SUSD4: variants seen among roughly 807,000 people sequenced by gnomAD.
SUSD4 encodes the protein sushi domain containing 4, also known as sushi domain-containing protein 4.
A neutral mutation model predicts 50.5 loss-of-function variants in SUSD4; 41 were observed. The observed-to-expected ratio is 0.81, with a 90% CI of 0.63 to 1.05. The LOEUF is 1.05. Among genes scored for constraint, SUSD4 ranks in the 50% least tolerant of loss-of-function variants. The pLI, the probability that SUSD4 is intolerant of heterozygous loss-of-function variation, is 0.00. For synonymous variants in SUSD4, 257 were observed against 257.3 expected (o/e 1.00, Z 0.01); for missense variants, 580 against 634.7 (o/e 0.91, Z 0.93).
intron 5 of SUSD4, among the ~76,000 whole-genome samples, chr1:223,246,813 C>T (rs1434081076): frequency 3.9e-5 from 6 of 152,110 alleles, no homozygotes; most frequent in African/African-American, 7.2e-5. Flanking sequence ...TATCACAGTC[C>T]TTAACCAATT....
At chr1:223,243,803 C>T (rs1660742341) in intron 5 of SUSD4, among the ~76,000 whole-genome samples, 1 of 152,212 alleles carries the variant, frequency 6.6e-6, no homozygotes, top group Admixed American at 6.5e-5. Context: ...ATTCCTCCAT[C>T]GTCTCTTCCT....
intron 2 of SUSD4, among the ~76,000 whole-genome samples, chr1:223,308,114 A>C (rs1558236109): frequency 6.6e-6 from 1 of 152,112 alleles, no homozygotes; most frequent in Non-Finnish European, 1.5e-5. Flanking sequence ...TTTTTATAAG[A>C]ATATTCTGAA....
intron 8 of SUSD4, 78 bp downstream of exon 8, chr1:223,223,162 TGGAGCGTGC>T: frequency 6.8e-7 from 1 of 1,474,876 alleles, no homozygotes; most frequent in Non-Finnish European, 9.0e-7. Flanking sequence ...TGCTGGGGGG[TGGAGCGTGC>T]GTAGCAAGGA....
At chr1:223,263,738 T>G (rs1252898624) in intron 5 of SUSD4, 1 of 985,322 alleles carries the variant, frequency 1.0e-6, no homozygotes, top group Admixed American at 6.1e-5. Context: ...CTACCCTGAC[T>G]TCCTCCCACA....
rs1385327845 is a variant in SUSD4, at chr1:223,223,505, G to A, written c.1188C>T (p.Ala396=). 2 of 1,613,350 alleles carry A rather than the reference G, an allele frequency of 1.2e-6. No homozygotes were observed. Among genetic ancestry groups the A allele is most frequent in the Non-Finnish European group, 8.5e-7 (1 of 1,179,800 alleles). Residue 396 remains alanine, a synonymous_variant, in exon 8 of 9, where the codon GCC becomes GCT. Transcript: ENST00000366878. ...GTAAGGGGCAGCCCTGGCCCACAGA[G>A]GCCATGTACCCGGGGCCTAAGGCAC... ...GLSALGPGYM[A]SVGQGCPLPV...
intron 5 of SUSD4, among the ~76,000 whole-genome samples, chr1:223,250,224 T>C (rs1661208768): frequency 6.6e-6 from 1 of 152,164 alleles, no homozygotes; most frequent in Admixed American, 6.5e-5. Flanking sequence ...TTATAAGAAT[T>C]AGAAATAATA....
At chr1:223,350,011 C>T (rs1341510623) in intron 2 of SUSD4, among the ~76,000 whole-genome samples, 2 of 152,166 alleles carry the variant, frequency 1.3e-5, no homozygotes, top group Non-Finnish European at 2.9e-5. Flanking sequence ...CCCGTCCCCA[C>T]CCCTGCACCC....
At chr1:223,281,638 C>T (rs1663737959) in intron 3 of SUSD4, among the ~76,000 whole-genome samples, 1 of 152,182 alleles carries the variant, frequency 6.6e-6, no homozygotes, top group Admixed American at 6.5e-5. Context: ...GATGGATTCA[C>T]AGCCGAATTC....
intron 5 of SUSD4, among the ~76,000 whole-genome samples, chr1:223,253,111 AG>A (rs1183157072): frequency 3.3e-5 from 5 of 152,080 alleles, no homozygotes; most frequent in African/African-American, 1.2e-4. Flanking sequence ...AAAAAGAAAA[AG>A]AAAAAGAAAA....
At chr1:223,228,952 C>T (rs1235311049) in intron 6 of SUSD4, among the ~76,000 whole-genome samples, 1 of 151,624 alleles carries the variant, frequency 6.6e-6, no homozygotes, top group African/African-American at 2.4e-5. Flanking sequence ...GTCCCTAGGC[C>T]CCTAGCATCC....
intron 2 of SUSD4, among the ~76,000 whole-genome samples, chr1:223,305,647 C>T (rs571137321): frequency 1.3e-5 from 2 of 152,288 alleles, no homozygotes; most frequent in South Asian, 4.1e-4. Context: ...AGCAGTACCC[C>T]TTGGGAAATA....
chr1:223,339,442 A>C (rs1220886110), intron 2 of SUSD4, among the ~76,000 whole-genome samples: 1 of 152,104 alleles, frequency 6.6e-6, no homozygotes, highest in East Asian at 1.9e-4. Flanking sequence ...CCTGCAGAGA[A>C]TGAGCCAGCG....
intron 3 of SUSD4, among the ~76,000 whole-genome samples, chr1:223,284,688 A>G (rs374505699): frequency 1.3e-5 from 2 of 152,344 alleles, no homozygotes; most frequent in African/African-American, 4.8e-5. Context: ...AAAAAAGGAT[A>G]AAATTTTGTC....
At chr1:223,360,533 G>T (rs1192250661) in intron 2 of SUSD4, among the ~76,000 whole-genome samples, 1 of 152,146 alleles carries the variant, frequency 6.6e-6, no homozygotes, top group East Asian at 1.9e-4. Context: ...CTTCCCTAGG[G>T]TTCAAAGAAC....
At chr1:223,273,415 T>A (rs1411266399) in intron 3 of SUSD4, among the ~76,000 whole-genome samples, 1 of 152,336 alleles carries the variant, frequency 6.6e-6, no homozygotes, top group East Asian at 1.9e-4. Flanking sequence ...GCATTTGCCC[T>A]CAGCTCCTGA....
chr1:223,227,754 C>A lies in SUSD4; in HGVS notation c.917-16G>T. 1 of 1,599,232 alleles carries A rather than the reference C, an allele frequency of 6.3e-7. No homozygotes were observed. The highest frequency in any genetic ancestry group is 8.5e-7 in the Non-Finnish European group (1 of 1,170,754). On this transcript the variant is annotated splice_polypyrimidine_tract_variant and intron_variant, in intron 6 of 8. Transcript: ENST00000366878. This position sits in a 1 kb window ranked among gnomAD's most constrained non-coding sequence, Gnocchi z 4.5. ...CACGTTTGCTCTGCATGAGGGAGAA[C>A]AAAGCTGTACGTGAGGCTCCCAGAC...
chr1:223,321,176 G>GA (rs1666550715), intron 2 of SUSD4, among the ~76,000 whole-genome samples: 1 of 152,166 alleles, frequency 6.6e-6, no homozygotes, highest in African/African-American at 2.4e-5. Flanking sequence ...CACAGCCAGT[G>GA]AAAAGCAGAG....
At chr1:223,283,387 A>G (rs1204756167) in intron 3 of SUSD4, among the ~76,000 whole-genome samples, 2 of 152,250 alleles carry the variant, frequency 1.3e-5, no homozygotes, top group Non-Finnish European at 2.9e-5. Context: ...ATTTACAAGA[A>G]AAAAACAAAC....
intron 2 of SUSD4, among the ~76,000 whole-genome samples, chr1:223,322,965 C>CA (rs1343079923): frequency 6.6e-6 from 1 of 152,104 alleles, no homozygotes; most frequent in African/African-American, 2.4e-5. Context: ...TGAGGAAGGC[C>CA]ACAGAGGAAA....
Sources: allele counts gnomAD v4.1 joint callset (sites outside exome capture counted in the v4.1 genomes callset), GRCh38; gene constraint gnomAD v4.1.1; non-coding constraint Gnocchi (gnomAD v3.1); transcripts MANE v1.5; gene names NCBI Gene and HGNC (gene_info 2026-07-23, HGNC 2026-07-21).